NMNAT2: variants seen among roughly 807,000 people sequenced by gnomAD.
NMNAT2 encodes the protein nicotinamide nucleotide adenylyltransferase 2, also known as nicotinamide/nicotinic acid mononucleotide adenylyltransferase 2.
Under a neutral mutation model 41.6 loss-of-function variants are expected in NMNAT2, and 11 were observed. The ratio of observed to expected loss-of-function variants is 0.26; its 90% CI spans 0.17 to 0.44. The LOEUF (loss-of-function observed/expected upper bound fraction) is 0.44, where lower values mean the gene tolerates loss of function less well. Ranked by LOEUF, NMNAT2 falls within the 20% of genes least tolerant of loss-of-function variation. NMNAT2 has a pLI of 1.00. For synonymous variants in NMNAT2, 148 were observed against 151.2 expected (o/e 0.98, Z 0.16); for missense variants, 288 against 407.7 (o/e 0.71, Z 2.53).
At chr1:183,329,228 C>T (rs560595225) in intron 1 of NMNAT2, among the ~76,000 whole-genome samples, 1 of 152,074 alleles carries the variant, frequency 6.6e-6, no homozygotes, top group East Asian at 1.9e-4. Flanking sequence ...AACAAATATC[C>T]ATTTTAATTG....
intron 1 of NMNAT2, among the ~76,000 whole-genome samples, chr1:183,314,195 A>G (rs947671033): frequency 6.6e-6 from 1 of 152,236 alleles, no homozygotes; most frequent in African/African-American, 2.4e-5. Flanking sequence ...CAGAGCAAAT[A>G]TAATGGGTTC....
At chr1:183,278,383 G>T (rs867903314) in intron 8 of NMNAT2, among the ~76,000 whole-genome samples, 170 bp downstream of exon 8, 1 of 152,190 alleles carries the variant, frequency 6.6e-6, no homozygotes, top group African/African-American at 2.4e-5. Context: ...GTGTAAAAAT[G>T]CAGTAGGAGA....
At chr1:183,387,679 T>C (rs546855998) in intron 1 of NMNAT2, among the ~76,000 whole-genome samples, 2 of 152,332 alleles carry the variant, frequency 1.3e-5, no homozygotes, top group East Asian at 3.9e-4. Context: ...TTTTTGCTCA[T>C]GGTATTCTCT....
chr1:183,304,487 A>T (rs1661948166), intron 1 of NMNAT2, among the ~76,000 whole-genome samples: 1 of 152,208 alleles, frequency 6.6e-6, no homozygotes, highest in Non-Finnish European at 1.5e-5. Context: ...GGCCAGCAGA[A>T]GGTGCGGGCT....
intron 1 of NMNAT2, among the ~76,000 whole-genome samples, chr1:183,359,468 A>G (rs1663261846): frequency 6.6e-6 from 1 of 152,200 alleles, no homozygotes; most frequent in African/African-American, 2.4e-5. Flanking sequence ...GAACAGAAGA[A>G]AAGCCCTGAA....
intron 1 of NMNAT2, among the ~76,000 whole-genome samples, chr1:183,389,792 GAAA>G (rs1557897571): frequency 2.5e-4 from 16 of 63,984 alleles, no homozygotes; most frequent in Middle Eastern, 7.9e-3. Context: ...AAGAAAGAAA[GAAA>G]GAAAGAAAGA....
chr1:183,409,475 C>A (rs1458526298), intron 1 of NMNAT2, among the ~76,000 whole-genome samples: 1 of 152,080 alleles, frequency 6.6e-6, no homozygotes, highest in African/African-American at 2.4e-5. Context: ...CACCACCACA[C>A]CTGGCTAATT....
chr1:183,338,618 T>C (rs920116842), intron 1 of NMNAT2, among the ~76,000 whole-genome samples: 23 of 152,214 alleles, frequency 1.5e-4, no homozygotes, highest in Non-Finnish European at 3.2e-4. Context: ...ATTATTACTG[T>C]TGCCCAAGTT....
intron 1 of NMNAT2, among the ~76,000 whole-genome samples, chr1:183,294,999 T>TTTTA (rs1404669135): frequency 6.6e-6 from 1 of 152,174 alleles, no homozygotes; most frequent in Non-Finnish European, 1.5e-5. Flanking sequence ...ATTTGCTTCT[T>TTTTA]TTTCTTTCTT....
chr1:183,386,304 A>T (rs1456043115), intron 1 of NMNAT2, among the ~76,000 whole-genome samples: 1 of 152,162 alleles, frequency 6.6e-6, no homozygotes, highest in Non-Finnish European at 1.5e-5. Flanking sequence ...CACCAAAAAA[A>T]ATCCCTCAGG....
In NMNAT2 at chr1:183,261,067, G is replaced by T. The variant is rs757182165; in HGVS notation, c.756C>A (p.Asn252Lys). 4 of 1,613,804 alleles carry T rather than the reference G, an allele frequency of 2.5e-6. No individual in the cohort carries two copies. The South Asian group carries it at 4.4e-5, about 18-fold the overall frequency. ...NHSSILRKYK[N>K]NIMVVKDDIN... ...TGTCATCCTTCACCACCATGATGTT[G>T]TTCTGAGGACAGAGCAGACAGAGTC... The change falls in exon 10 of 11, where the codon AAC (asparagine) becomes AAA (lysine). Residue 252 changes from asparagine to lysine, a missense_variant and splice_region_variant. Physicochemically the swap from Asn to Lys is moderately conservative, Grantham distance 94 (BLOSUM62 0). Coordinates refer to ENST00000287713, the MANE Select transcript of NMNAT2 (RefSeq NM_015039.4).
At chr1:183,341,523 C>CAAAAAAAAAAAA (rs33955752) in intron 1 of NMNAT2, among the ~76,000 whole-genome samples, 1 of 81,348 alleles carries the variant, frequency 1.2e-5, no homozygotes, top group African/African-American at 5.0e-5. Context: ...ACAAAAAATG[C>CAAAAAAAAAAAA]AAAAAAAAAA....
intron 1 of NMNAT2, among the ~76,000 whole-genome samples, chr1:183,309,263 G>A (rs1253367481): frequency 6.6e-6 from 1 of 152,202 alleles, no homozygotes; most frequent in African/African-American, 2.4e-5. Context: ...GCCTCTCAAA[G>A]TGCTGGAATT....
intron 1 of NMNAT2, among the ~76,000 whole-genome samples, chr1:183,407,461 G>C (rs762461168): frequency 2.0e-5 from 3 of 151,462 alleles, no homozygotes; most frequent in Non-Finnish European, 4.4e-5. Context: ...TTTTTTCTGA[G>C]CATCTATTTT....
chr1:183,378,862 G>A (rs192475507), intron 1 of NMNAT2, among the ~76,000 whole-genome samples: 11 of 152,018 alleles, frequency 7.2e-5, no homozygotes, highest in Non-Finnish European at 1.5e-5. Context: ...GGCCAACATA[G>A]TGAAACTCCA....
chr1:183,273,664 G>A (rs1165799146), intron 8 of NMNAT2, among the ~76,000 whole-genome samples: 1 of 152,138 alleles, frequency 6.6e-6, no homozygotes, highest in Non-Finnish European at 1.5e-5. Context: ...AATTCACTGA[G>A]GTGCTAAGTA....
chr1:183,353,150 G>A (rs909961355), intron 1 of NMNAT2, among the ~76,000 whole-genome samples: 4 of 152,086 alleles, frequency 2.6e-5, no homozygotes, highest in Non-Finnish European at 2.9e-5. Context: ...GGGATTACAG[G>A]TGCCTGCCAT....
chr1:183,359,861 T>G (rs764156859), intron 1 of NMNAT2, among the ~76,000 whole-genome samples: 2 of 152,222 alleles, frequency 1.3e-5, no homozygotes, highest in Non-Finnish European at 2.9e-5. Context: ...CTAGTTACTC[T>G]TATAAAGACA....
chr1:183,376,817 C>T (rs969170211), intron 1 of NMNAT2, among the ~76,000 whole-genome samples: 2 of 152,158 alleles, frequency 1.3e-5, no homozygotes, highest in South Asian at 2.1e-4. Context: ...CCCCTTCATG[C>T]AGAGGTAGAG....
Sources: gnomAD v4.1 joint callset for allele counts (sites outside exome capture counted in the v4.1 genomes callset) on GRCh38, gnomAD v4.1.1 for gene constraint, MANE v1.5 for transcripts, NCBI Gene and HGNC (gene_info 2026-07-23, HGNC 2026-07-21) for gene names.